Variants in SPAG16 observed in about 807,000 individuals in gnomAD.
SPAG16 encodes the protein sperm-associated antigen 16 protein.
SPAG16 carries 86 observed loss-of-function variants against 80.4 expected under a neutral mutation model. That is an observed-to-expected ratio of 1.07 (90% CI 0.90 to 1.28). SPAG16 has a LOEUF of 1.28. Ranked by LOEUF, SPAG16 falls within the 50% of genes most tolerant of loss-of-function variation. SPAG16 has a pLI of 0.00. For missense variants in SPAG16, 870 were observed against 765.3 expected, an observed-to-expected ratio of 1.14 and a Z score of -1.61; for synonymous variants, 294 against 265.9, an observed-to-expected ratio of 1.11 and a Z score of -1.03.
chr2:213,292,087 TTCTAC>T (rs1272248487), intron 1 of SPAG16, among the ~76,000 whole-genome samples: 1 of 152,204 alleles, frequency 6.6e-6, no homozygotes, highest in Non-Finnish European at 1.5e-5. Context: ...ATCACTTTTT[TTCTAC>T]TCTATATTGC....
chr2:214,009,031 A>T (rs73987129), intron 12 of SPAG16, among the ~76,000 whole-genome samples: 8,616 of 152,242 alleles, frequency 0.057, 273 homozygotes, highest in South Asian at 0.11. Flanking sequence ...TTCACCCAGG[A>T]TTAAACTCCA....
At chr2:213,416,601 C>T (rs2069270897) in intron 9 of SPAG16, among the ~76,000 whole-genome samples, 2 of 151,594 alleles carry the variant, frequency 1.3e-5, no homozygotes, top group South Asian at 4.1e-4. Flanking sequence ...ATATGATTCA[C>T]TGAGATAAAT....
chr2:213,778,562 T>A (rs1350338482), intron 10 of SPAG16, among the ~76,000 whole-genome samples: 1 of 152,162 alleles, frequency 6.6e-6, no homozygotes, highest in Admixed American at 6.5e-5. Flanking sequence ...CTAGGTTTTG[T>A]CATAACTCTC....
chr2:214,186,769 T>G (rs1012024793), intron 15 of SPAG16, among the ~76,000 whole-genome samples: 1 of 151,568 alleles, frequency 6.6e-6, no homozygotes, highest in African/African-American at 2.4e-5. Flanking sequence ...GTTTTTTTGT[T>G]TTTTTTTTGA....
At chr2:213,612,149 C>T (rs777172080) in intron 10 of SPAG16, among the ~76,000 whole-genome samples, 7 of 151,880 alleles carry the variant, frequency 4.6e-5, no homozygotes, top group African/African-American at 7.3e-5. Flanking sequence ...AAGTCATTGG[C>T]GAATATTTCC....
chr2:213,394,627 C>T (rs143351230), intron 9 of SPAG16, among the ~76,000 whole-genome samples: 2 of 152,220 alleles, frequency 1.3e-5, no homozygotes, highest in East Asian at 1.9e-4. Context: ...CAGGAAACCA[C>T]TAATCTTTTC....
chr2:214,404,069 A>G (rs1701858521), intron 15 of SPAG16, among the ~76,000 whole-genome samples: 1 of 152,154 alleles, frequency 6.6e-6, no homozygotes, highest in Non-Finnish European at 1.5e-5. Context: ...AAACAATCCA[A>G]AGGTAGGGAA....
chr2:213,640,446 A>G (rs1195173102), intron 10 of SPAG16, among the ~76,000 whole-genome samples: 4 of 152,000 alleles, frequency 2.6e-5, no homozygotes, highest in Non-Finnish European at 5.9e-5. Context: ...TGCTCCCTTG[A>G]TGTGGTGTTC....
intron 12 of SPAG16, among the ~76,000 whole-genome samples, chr2:213,978,380 C>G (rs192332899): frequency 0.013 from 1,990 of 152,158 alleles, 49 homozygotes; most frequent in African/African-American, 0.045. Flanking sequence ...ATAAAATTTT[C>G]CTTTCTTTCC....
intron 12 of SPAG16, among the ~76,000 whole-genome samples, chr2:213,970,258 A>G (rs931420326): frequency 2.0e-5 from 3 of 151,010 alleles, no homozygotes; most frequent in Non-Finnish European, 4.4e-5. Context: ...GTAGTGAAAT[A>G]TTGTCAGTCA....
At chr2:214,171,309 A>G (rs1335185145) in intron 15 of SPAG16, among the ~76,000 whole-genome samples, 1 of 151,940 alleles carries the variant, frequency 6.6e-6, no homozygotes, top group Non-Finnish European at 1.5e-5. Flanking sequence ...TTACATTGAA[A>G]TAGATAGTTT....
Position 213,911,835 on chromosome 2 carries a change from C to CAAA in SPAG16, c.1215-18110_1215-18108dup, listed in dbSNP as rs10644766. ...GGTTTGAAAAATGAGAAACAGTTAG[C>CAAA]AAAAAAAAAAAAAAAAATACACACA... On this transcript the variant is annotated intron_variant, in intron 11 of 15. Coordinates refer to ENST00000331683, the MANE Select transcript of SPAG16 (RefSeq NM_024532.5). Among the ~76,000 whole-genome samples the CAAA allele has an allele frequency of 2.5e-3, 317 of 126,094 alleles. 3 individuals are homozygous for CAAA. Among genetic ancestry groups the CAAA allele is most frequent in the African/African-American group, 9.0e-3 (294 of 32,582 alleles). 82.7% of individuals were successfully genotyped at this position (126,094 alleles called of 152,430 possible).
intron 11 of SPAG16, among the ~76,000 whole-genome samples, chr2:213,878,152 T>C (rs1387151814): frequency 1.3e-5 from 2 of 152,196 alleles, no homozygotes; most frequent in Admixed American, 1.3e-4. Flanking sequence ...CTTACTAGTT[T>C]ATATTATTGA....
intron 10 of SPAG16, among the ~76,000 whole-genome samples, chr2:213,837,894 C>T (rs1030119055): frequency 3.9e-5 from 6 of 152,058 alleles, no homozygotes; most frequent in Non-Finnish European, 8.8e-5. Context: ...AGATGCTATG[C>T]CACTGGCTTT....
At chr2:214,073,534 C>T (rs141753015) in intron 13 of SPAG16, among the ~76,000 whole-genome samples, 56 of 152,106 alleles carry the variant, frequency 3.7e-4, no homozygotes, top group African/African-American at 1.3e-3. Flanking sequence ...CACGCCCGGC[C>T]GGATATTTTA....
At chr2:213,915,830 G>T (rs1014353895) in intron 11 of SPAG16, among the ~76,000 whole-genome samples, 3 of 152,084 alleles carry the variant, frequency 2.0e-5, no homozygotes, top group African/African-American at 4.8e-5. Context: ...GCATGAGATG[G>T]TATCTCATAG....
chr2:213,443,377 T>C (rs1020266080), intron 9 of SPAG16, among the ~76,000 whole-genome samples: 1 of 152,234 alleles, frequency 6.6e-6, no homozygotes, highest in Admixed American at 6.5e-5. Context: ...CTTTAGATTC[T>C]ACATATAAGT....
chr2:213,943,806 A>G (rs762433345), intron 12 of SPAG16, among the ~76,000 whole-genome samples: 1 of 152,196 alleles, frequency 6.6e-6, no homozygotes, highest in Non-Finnish European at 1.5e-5. Context: ...CCAGGCTACC[A>G]TTTGATAAGA....
intron 1 of SPAG16, among the ~76,000 whole-genome samples, chr2:213,285,732 G>A (rs1261885161): frequency 6.6e-6 from 1 of 152,176 alleles, no homozygotes; most frequent in African/African-American, 2.4e-5. Context: ...ACTTTTACAG[G>A]AATAGAAATT....
Sources: gnomAD v4.1 joint callset for allele counts (sites outside exome capture counted in the v4.1 genomes callset) on GRCh38, gnomAD v4.1.1 for gene constraint, MANE v1.5 for transcripts, NCBI Gene and HGNC (gene_info 2026-07-23, HGNC 2026-07-21) for gene names.